The following PLXDC2 variants were observed in gnomAD, a reference collection of about 807,000 sequenced individuals.
The protein encoded by PLXDC2 is plexin domain containing 2.
A neutral mutation model predicts 68.9 loss-of-function variants in PLXDC2; 40 were observed. The observed-to-expected ratio is 0.58, with a 90% CI of 0.45 to 0.76. The LOEUF (loss-of-function observed/expected upper bound fraction) is 0.76. Ranked by LOEUF, PLXDC2 falls within the 30% of genes least tolerant of loss-of-function variation. The probability of loss-of-function intolerance (pLI) is 0.00; values close to 1 mark genes in which losing one functional copy is unlikely to be tolerated. For missense variants in PLXDC2, 644 were observed against 661.9 expected, an observed-to-expected ratio of 0.97 and a Z score of 0.30; for synonymous variants, 243 against 234.2, an observed-to-expected ratio of 1.04 and a Z score of -0.34.
intron 1 of PLXDC2, among the ~76,000 whole-genome samples, chr10:19,929,983 A>C (rs780098984): frequency 6.6e-6 from 1 of 152,046 alleles, no homozygotes; most frequent in Non-Finnish European, 1.5e-5. Flanking sequence ...GTCCTGGAGG[A>C]TGTGTCATTT....
intron 1 of PLXDC2, among the ~76,000 whole-genome samples, chr10:19,838,824 C>T (rs998042): frequency 0.03 from 4,525 of 152,260 alleles, 247 homozygotes; most frequent in African/African-American, 0.1. Flanking sequence ...GTGGTGCTCA[C>T]CAGTGAATTC....
chr10:19,896,136 T>C (rs1448888437), intron 1 of PLXDC2, among the ~76,000 whole-genome samples: 3 of 152,116 alleles, frequency 2.0e-5, no homozygotes, highest in East Asian at 3.9e-4. Flanking sequence ...TCCACAGCCA[T>C]TGAGAGCTGA....
At chr10:19,917,055 A>G (rs1833381271) in intron 1 of PLXDC2, among the ~76,000 whole-genome samples, 1 of 152,180 alleles carries the variant, frequency 6.6e-6, no homozygotes, top group Non-Finnish European at 1.5e-5. Flanking sequence ...ACTGATTTTC[A>G]TCATCTAAGT....
At chr10:19,986,515 G>A (rs779312115) in intron 1 of PLXDC2, among the ~76,000 whole-genome samples, 25 of 149,074 alleles carry the variant, frequency 1.7e-4, no homozygotes, top group Middle Eastern at 3.2e-3. Flanking sequence ...ATTCCAAATA[G>A]CACTGAAAGA....
intron 4 of PLXDC2, among the ~76,000 whole-genome samples, chr10:20,106,340 TGTGTTAG>T (rs911441788): frequency 6.6e-4 from 101 of 152,350 alleles, no homozygotes; most frequent in African/African-American, 2.3e-3. Context: ...TGGTCTGGGC[TGTGTTAG>T]GGTCTTTGTC....
intron 2 of PLXDC2, among the ~76,000 whole-genome samples, chr10:20,024,193 T>C (rs2131661324): frequency 6.6e-6 from 1 of 152,338 alleles, no homozygotes; most frequent in Admixed American, 6.5e-5. Context: ...GGTGTTTTTC[T>C]TGTAATAAAA....
intron 4 of PLXDC2, among the ~76,000 whole-genome samples, chr10:20,128,556 C>T (rs1483084108): frequency 6.6e-6 from 1 of 152,056 alleles, no homozygotes; most frequent in Non-Finnish European, 1.5e-5. Flanking sequence ...GTATGCAATG[C>T]AGTATTATTA....
intron 1 of PLXDC2, among the ~76,000 whole-genome samples, chr10:19,983,828 A>G (rs1366422401): frequency 2.0e-5 from 3 of 152,174 alleles, no homozygotes; most frequent in African/African-American, 7.2e-5. Context: ...TCAGATCTGC[A>G]TTTTAACTCT....
At position 20,272,373 on chromosome 10, in the gene PLXDC2, A is replaced by C. The variant is rs567284154; in HGVS notation, c.1474-7330A>C. ...GACCAGGAGGACAGAGTTTACTTTC[A>C]TATTTTCCCTGTGAGTAAGAGGGCT... On this transcript the variant is annotated intron_variant, in intron 13 of 13. Transcript: ENST00000377252. 3.9e-5 allele frequency among the ~76,000 whole-genome samples: 6 copies of C among 152,276 alleles called. No individual in the cohort carries two copies. In the South Asian group the frequency reaches 1.2e-3, roughly 32 times the overall value.
intron 13 of PLXDC2, among the ~76,000 whole-genome samples, chr10:20,250,725 C>T (rs75899418): frequency 0.058 from 8,877 of 152,188 alleles, 373 homozygotes; most frequent in East Asian, 0.16. Context: ...CAAGGACATA[C>T]ATTATGTCCT....
At chr10:20,068,816 C>A (rs1836265347) in intron 4 of PLXDC2, among the ~76,000 whole-genome samples, 1 of 151,884 alleles carries the variant, frequency 6.6e-6, no homozygotes, top group East Asian at 1.9e-4. Context: ...TCTCCACAAG[C>A]TTGGAGGTTA....
chr10:20,185,159 G>GAA (rs1834664545), intron 9 of PLXDC2, among the ~76,000 whole-genome samples: 3 of 27,908 alleles, frequency 1.1e-4, no homozygotes, highest in Non-Finnish European at 1.9e-4. Flanking sequence ...AGAACTGAAA[G>GAA]GAAAAAAAAA....
At chr10:19,838,617 AG>A (rs774360906) in intron 1 of PLXDC2, among the ~76,000 whole-genome samples, 8 of 152,258 alleles carry the variant, frequency 5.3e-5, no homozygotes, top group Non-Finnish European at 1.0e-4. Flanking sequence ...TTGCTATAAA[AG>A]CCTGTTTTGG....
At chr10:19,881,019 T>C (rs2131350544) in intron 1 of PLXDC2, among the ~76,000 whole-genome samples, 1 of 152,378 alleles carries the variant, frequency 6.6e-6, no homozygotes, top group East Asian at 1.9e-4. Flanking sequence ...AAATGAGCTC[T>C]GAGCCTGCCT....
intron 1 of PLXDC2, among the ~76,000 whole-genome samples, chr10:19,827,986 C>T (rs1014304442): frequency 6.6e-6 from 1 of 151,996 alleles, no homozygotes; most frequent in African/African-American, 2.4e-5. Context: ...TAATTGTTTC[C>T]TAGGAAACAA....
intron 13 of PLXDC2, among the ~76,000 whole-genome samples, chr10:20,275,237 A>G (rs952052442): frequency 2.6e-5 from 4 of 151,950 alleles, no homozygotes; most frequent in African/African-American, 9.7e-5. Context: ...TTTCTGTTAG[A>G]AGAGACCTTA....
chr10:20,135,147 C>T (rs1200631360), intron 4 of PLXDC2, among the ~76,000 whole-genome samples: 1 of 152,174 alleles, frequency 6.6e-6, no homozygotes, highest in Non-Finnish European at 1.5e-5. Flanking sequence ...TGGACAAGTA[C>T]TGGAAACTCC....
intron 2 of PLXDC2, among the ~76,000 whole-genome samples, chr10:20,031,878 T>G (rs1450158950): frequency 6.6e-6 from 1 of 152,032 alleles, no homozygotes; most frequent in Non-Finnish European, 1.5e-5. Context: ...CATGCTGGAG[T>G]GCAGTGGCAT....
intron 6 of PLXDC2, among the ~76,000 whole-genome samples, chr10:20,159,079 A>G (rs1244847936): frequency 6.6e-6 from 1 of 152,178 alleles, no homozygotes; most frequent in Non-Finnish European, 1.5e-5. Flanking sequence ...GAGCTCTACA[A>G]AATTTTAATG....
Sources: allele counts gnomAD v4.1 joint callset (sites outside exome capture counted in the v4.1 genomes callset), GRCh38; gene constraint gnomAD v4.1.1; transcripts MANE v1.5; gene names NCBI Gene and HGNC (gene_info 2026-07-23, HGNC 2026-07-21).